Variants in NRXN1 observed in about 807,000 individuals in gnomAD.
NRXN1 encodes neurexin-1.
A neutral mutation model predicts 150.9 loss-of-function variants in NRXN1; 39 were observed. That is an observed-to-expected ratio of 0.26 (90% CI 0.20 to 0.34). NRXN1 has a LOEUF of 0.34. Ranked by LOEUF, NRXN1 falls within the 10% of genes least tolerant of loss-of-function variation. The pLI, the probability that NRXN1 is intolerant of heterozygous loss-of-function variation, is 1.00. For missense variants in NRXN1, 1,815 were observed against 1,949.9 expected (o/e 0.93, Z 1.30); for synonymous variants, 924 against 757.0 (o/e 1.22, Z -3.62).
At chr2:50,669,807 T>A (rs3930612) in intron 5 of NRXN1, among the ~76,000 whole-genome samples, 124,715 of 150,030 alleles carry the variant, frequency 0.83, 52,203 homozygotes, top group African/African-American at 0.93. Flanking sequence ...CTACTCAAAA[T>A]AAATAAATAA....
At chr2:50,268,030 A>G (rs1168238290) in intron 17 of NRXN1, among the ~76,000 whole-genome samples, 1 of 152,016 alleles carries the variant, frequency 6.6e-6, no homozygotes, top group Non-Finnish European at 1.5e-5. Context: ...TCTCTACCAA[A>G]ATACAAAAAA....
intron 18 of NRXN1, among the ~76,000 whole-genome samples, chr2:50,198,777 G>A (rs2061942252): frequency 6.6e-6 from 1 of 152,056 alleles, no homozygotes; most frequent in African/African-American, 2.4e-5. Context: ...TGAGGCCCTA[G>A]GTCTTGAATA....
intron 18 of NRXN1, among the ~76,000 whole-genome samples, chr2:50,137,231 A>C (rs1706556425): frequency 6.6e-6 from 1 of 152,158 alleles, no homozygotes; most frequent in African/African-American, 2.4e-5. Flanking sequence ...TCAATTATAA[A>C]AAGCCTATGT....
rs753447549 is a variant in NRXN1 at position 50,655,915 on chromosome 2, T to C, written c.833-32300A>G. Among the ~76,000 whole-genome samples the C allele has an allele frequency of 5.9e-5, 9 of 152,060 alleles. No individual in the cohort carries two copies. In the South Asian group the frequency reaches 8.3e-4, roughly 14 times the overall value. On this transcript the variant is annotated intron_variant, in intron 5 of 22. Coordinates refer to ENST00000401669, the MANE Select transcript of NRXN1 (RefSeq NM_001330078.2). Reference sequence around the variant, plus strand: ...GCAATTATTTAGCAGTAAATTGACATATAAATGTGGTGTAATTAAACTCAA... The same window carrying C: ...GCAATTATTTAGCAGTAAATTGACACATAAATGTGGTGTAATTAAACTCAA...
chr2:50,329,635 A>T (rs1474052985), intron 17 of NRXN1, among the ~76,000 whole-genome samples: 7 of 8,070 alleles, frequency 8.7e-4, no homozygotes, highest in African/African-American at 1.6e-3. Flanking sequence ...ATATATATAT[A>T]TATATATATA....
At chr2:50,688,944 G>A (rs539696003) in intron 5 of NRXN1, among the ~76,000 whole-genome samples, 6 of 152,122 alleles carry the variant, frequency 3.9e-5, no homozygotes, top group Admixed American at 1.3e-4. Flanking sequence ...TGCTTCCTCC[G>A]AACACATTTA....
Position 49,921,978 on chromosome 2 carries a change from T to C in NRXN1, c.4490A>G (p.Asn1497Ser), listed in dbSNP as rs1668282597. ...QPSSAKSSNK[N>S]KKNKDKEYYV is the part of the protein sequence containing the mutation. ...ATACTCTTTATCCTTGTTTTTCTTA[T>C]TTTTGTTGGAGCTTTTCGCACTGCT... Residue 1497 changes from asparagine (N) to serine (S), a missense_variant, in exon 23 of 23, where the codon AAT (asparagine) becomes AGT (serine). Physicochemically the swap from Asn to Ser is conservative, Grantham distance 46. Transcript: ENST00000401669. 1.9e-6 allele frequency: 3 copies of C among 1,614,162 alleles called. 1 individual carries two copies. The highest frequency in any genetic ancestry group is 2.2e-5 in the South Asian group (2 of 91,078).
intron 17 of NRXN1, among the ~76,000 whole-genome samples, chr2:50,239,098 T>C (rs1429726220): frequency 6.6e-6 from 1 of 151,888 alleles, no homozygotes; most frequent in East Asian, 1.9e-4. Context: ...AGAAGCTTGT[T>C]CATCATAATC....
In NRXN1 at chr2:50,480,137, T is replaced by C. The variant is rs191291881; in HGVS notation, c.3071-7666A>G. 5.5e-3 allele frequency among the ~76,000 whole-genome samples: 844 copies of C among 152,314 alleles called. 4 individuals are homozygous for C. Among genetic ancestry groups the C allele is most frequent in the Non-Finnish European group, 9.8e-3 (666 of 68,014 alleles). On this transcript the variant is annotated intron_variant, in intron 15 of 22. Transcript: ENST00000401669. ...CATTAAGAAAATTTAGGGAATTCAA[T>C]GGCATATTTTTTCCCACTCTGATAG...
chr2:49,932,646 T>C (rs911718127), intron 22 of NRXN1, among the ~76,000 whole-genome samples: 4 of 152,164 alleles, frequency 2.6e-5, no homozygotes, highest in African/African-American at 7.2e-5. Context: ...TTTCTTACAT[T>C]CTTCCATATA....
chr2:50,328,897 C>T (rs968945846), intron 17 of NRXN1, among the ~76,000 whole-genome samples: 2 of 152,184 alleles, frequency 1.3e-5, no homozygotes, highest in African/African-American at 4.8e-5. Flanking sequence ...AACCTTCTAA[C>T]ACATCTTGTC....
intron 8 of NRXN1, chr2:50,554,487 C>T (rs535638457): frequency 6.6e-6 from 1 of 152,200 alleles, no homozygotes; most frequent in African/African-American, 2.4e-5. Context: ...CTGTTTCACT[C>T]CCTGAAAGGA....
chr2:50,673,303 T>C (rs1689111028), intron 5 of NRXN1, among the ~76,000 whole-genome samples: 1 of 152,150 alleles, frequency 6.6e-6, no homozygotes, highest in Non-Finnish European at 1.5e-5. Context: ...TAGATCTAAT[T>C]ATTTTTTCTA....
At chr2:50,341,472 A>G (rs886955443) in intron 17 of NRXN1, among the ~76,000 whole-genome samples, 2 of 152,090 alleles carry the variant, frequency 1.3e-5, no homozygotes, top group African/African-American at 4.8e-5. Flanking sequence ...TTTATTCTTC[A>G]CTTATTGTAT....
chr2:50,206,706 C>T (rs568398853), intron 18 of NRXN1, among the ~76,000 whole-genome samples: 20 of 152,030 alleles, frequency 1.3e-4, no homozygotes, highest in Admixed American at 3.9e-4. Flanking sequence ...TTCAGCTTTG[C>T]TCTACTATTG....
chr2:50,160,289 C>A (rs1482827013), intron 18 of NRXN1, among the ~76,000 whole-genome samples: 1 of 151,932 alleles, frequency 6.6e-6, no homozygotes, highest in Non-Finnish European at 1.5e-5. Flanking sequence ...GTCTGTAATC[C>A]CAGCACTTTG....
intron 8 of NRXN1, among the ~76,000 whole-genome samples, chr2:50,591,193 G>T (rs1674136695): frequency 6.6e-6 from 1 of 151,972 alleles, no homozygotes; most frequent in South Asian, 2.1e-4. Flanking sequence ...TTTTATCTGA[G>T]CTTGTTGTTT....
intron 17 of NRXN1, among the ~76,000 whole-genome samples, chr2:50,373,294 T>TTTATTA (rs6146761): frequency 0.018 from 2,463 of 140,372 alleles, 33 homozygotes; most frequent in Middle Eastern, 0.044. Flanking sequence ...TATTTTATTT[T>TTTATTA]TTATTATTAT....
At chr2:50,101,211 C>T (rs1700933574) in intron 18 of NRXN1, among the ~76,000 whole-genome samples, 2 of 152,020 alleles carry the variant, frequency 1.3e-5, no homozygotes. Context: ...ATGGGCAATA[C>T]ATTGTGTTTC....
Sources: gnomAD v4.1 joint callset for allele counts (sites outside exome capture counted in the v4.1 genomes callset) on GRCh38, gnomAD v4.1.1 for gene constraint, MANE v1.5 for transcripts, NCBI Gene and HGNC (gene_info 2026-07-23, HGNC 2026-07-21) for gene names.